Variants in KIAA0586 observed in about 807,000 individuals in gnomAD.
The protein encoded by KIAA0586 is KIAA0586.
A neutral mutation model predicts 169.8 loss-of-function variants in KIAA0586; 144 were observed. That is an observed-to-expected ratio of 0.85 (90% CI 0.74 to 0.97). The LOEUF is 0.97. KIAA0586 is among the 50% of genes least tolerant of loss of function. The probability of loss-of-function intolerance (pLI) is 0.00; values close to 1 mark genes in which losing one functional copy is unlikely to be tolerated. For synonymous variants in KIAA0586, 625 were observed against 612.4 expected, an observed-to-expected ratio of 1.02 and a Z score of -0.30; for missense variants, 1,854 against 1,823.0, an observed-to-expected ratio of 1.02 and a Z score of -0.31.
intron 12 of KIAA0586, 55 bp downstream of exon 12, chr14:58,458,600 T>C (rs889832764): frequency 1.0e-6 from 1 of 980,712 alleles, no homozygotes; most frequent in African/African-American, 1.7e-5. Flanking sequence ...ATAATATTGA[T>C]TCCAATTTAC....
chr14:58,498,828 CA>C lies in KIAA0586; in HGVS notation c.4037del (p.Gln1346ArgfsTer2), dbSNP rs2043346206. 2 of 1,611,134 alleles carry C rather than the reference CA, an allele frequency of 1.2e-6. No individual in the cohort carries two copies. The highest frequency in any genetic ancestry group is 1.7e-6 in the Non-Finnish European group (2 of 1,178,794). On this transcript the variant is annotated frameshift_variant, in exon 27 of 31. Coordinates refer to ENST00000652326, the MANE Select transcript of KIAA0586 (RefSeq NM_001329943.3). LOFTEE classifies it high-confidence loss of function. ...VGELSEGQRP[Q>X]LTAAAENILM... ...TGAACTTAGTGAAGGACAAAGACCCCAGCTAACAGCGGCAGCAGAGAACATC... is the reference window on the plus strand; with the variant it reads ...TGAACTTAGTGAAGGACAAAGACCCCGCTAACAGCGGCAGCAGAGAACATC...
At chr14:58,524,319 C>T (rs541767904) in intron 29 of KIAA0586, among the ~76,000 whole-genome samples, 1 of 152,112 alleles carries the variant, frequency 6.6e-6, no homozygotes, top group Non-Finnish European at 1.5e-5. Context: ...GTGATATAGT[C>T]TTATTATGCA....
Position 58,448,461 on chromosome 14 carries a change from C to T in KIAA0586, c.929C>T (p.Pro310Leu). 2 of 1,611,476 alleles carry T rather than the reference C, an allele frequency of 1.2e-6. No homozygotes were observed. Among genetic ancestry groups the T allele is most frequent in the Non-Finnish European group, 1.7e-6 (2 of 1,178,142 alleles). Residue 310 changes from proline (P) to leucine (L), a missense_variant, in exon 7 of 31, where the codon CCA (proline) becomes CTA (leucine). By Grantham distance (98) the Pro-to-Leu change is moderately conservative. Coordinates refer to ENST00000652326, the MANE Select transcript of KIAA0586 (RefSeq NM_001329943.3). The part of the protein sequence containing the change: ...PEHPNLGSCN[P>L]SLYNTFASKQ... The stretch of plus-strand genomic sequence containing the variant: ...CACCCTAATCTTGGTAGCTGTAATC[C>T]ATCTTTATATAACACATTTGCTTCC...
rs572098520 is a variant in KIAA0586 at position 58,463,765 on chromosome 14, G to A, written c.2060-2070G>A. Among the ~76,000 whole-genome samples the A allele has an allele frequency of 3.0e-4, 46 of 151,992 alleles. 1 individual carries two copies. The South Asian group carries it at 5.2e-3, about 17-fold the overall frequency. ...CACTTGAGCTTAGGAATTCAAGGTT[G>A]CAGTGAGCTATGATAGTGCCACTGC... On this transcript the variant is annotated intron_variant, in intron 14 of 30. Coordinates refer to ENST00000652326, the MANE Select transcript of KIAA0586 (RefSeq NM_001329943.3).
chr14:58,462,246 CTTTTTT>C (rs10597707), intron 14 of KIAA0586, among the ~76,000 whole-genome samples: 3 of 89,452 alleles, frequency 3.4e-5, no homozygotes, highest in Non-Finnish European at 4.6e-5. Context: ...TGTAGTTTTG[CTTTTTT>C]TTTTTTTTTT....
chr14:58,521,019 A>G (rs1251145951), intron 29 of KIAA0586: 2 of 315,414 alleles, frequency 6.3e-6, no homozygotes, highest in Non-Finnish European at 1.2e-5. Context: ...CCCGGGATAA[A>G]AAGAAGAAAG....
chr14:58,482,719 G>A lies in KIAA0586; in HGVS notation c.3144+7G>A, dbSNP rs749367899. ...AAATGAAACATATTTGCCGGTATGG[G>A]GAATTTTTGAGACATTTATTGAAGA... On this transcript the variant is annotated splice_region_variant and intron_variant, in intron 21 of 30. Coordinates refer to ENST00000652326, the MANE Select transcript of KIAA0586 (RefSeq NM_001329943.3). 5.2e-6 allele frequency: 8 copies of A among 1,537,370 alleles called. No homozygotes were observed. The highest frequency in any genetic ancestry group is 7.0e-6 in the Non-Finnish European group (8 of 1,140,032).
intron 29 of KIAA0586, among the ~76,000 whole-genome samples, chr14:58,519,856 C>T (rs1024415990): frequency 2.0e-5 from 3 of 151,976 alleles, no homozygotes; most frequent in East Asian, 1.9e-4. Context: ...AGTAATAAGA[C>T]GGAAGAAGGA....
downstream of KIAA0586, among the ~76,000 whole-genome samples, chr14:58,553,536 G>GTTTTTT (rs111508643): frequency 1.6e-4 from 23 of 144,430 alleles, no homozygotes; most frequent in African/African-American, 5.9e-4. Flanking sequence ...AAATATCTGG[G>GTTTTTT]TTTTTTTTTT....
intron 25 of KIAA0586, 98 bp from the exon 26 acceptor site, chr14:58,492,046 C>A: frequency 2.2e-6 from 2 of 904,310 alleles, no homozygotes; most frequent in African/African-American, 1.7e-5. Flanking sequence ...CTAATATCAT[C>A]ATCTCATGAC....
At chr14:58,513,082 A>G (rs2044504266) in intron 29 of KIAA0586, among the ~76,000 whole-genome samples, 1 of 152,104 alleles carries the variant, frequency 6.6e-6, no homozygotes, top group Non-Finnish European at 1.5e-5. Flanking sequence ...TGACCATATC[A>G]TAGTTCTTTA....
chr14:58,548,848 C>G lies in KIAA0586; in HGVS notation c.*916C>G, dbSNP rs776027169. The G allele has an allele frequency of 1.3e-5, 2 of 152,022 alleles. No homozygotes were observed. Among genetic ancestry groups the G allele is most frequent in the Non-Finnish European group, 2.9e-5 (2 of 67,990 alleles). The allele number at this position is 152,022 out of a possible 1,614,324, so 9.4% of individuals were successfully genotyped here. A position where few individuals can be genotyped will look rare whatever the true frequency, so the allele number is the denominator to read the frequency against. On this transcript the variant is annotated 3_prime_UTR_variant, in exon 31 of 31. Transcript: ENST00000652326. ...AATCAGATACATGTAGGTTCTAATC[C>G]CAATTCTGTAACTTCTTGCTTTGTG...
chr14:58,488,910 G>C (rs774350410), intron 24 of KIAA0586, 36 bp downstream of exon 24: 1 of 1,594,088 alleles, frequency 6.3e-7, no homozygotes, highest in Non-Finnish European at 8.6e-7. Context: ...TTACTTGTTA[G>C]ATTATGCTAA....
At chr14:58,515,463 G>A (rs893111529) in intron 29 of KIAA0586, among the ~76,000 whole-genome samples, 3 of 152,052 alleles carry the variant, frequency 2.0e-5, no homozygotes, top group Non-Finnish European at 4.4e-5. Flanking sequence ...TATATTCTTA[G>A]AAGCTAATTT....
chr14:58,547,681 C>CGGGGGG, intron 30 of KIAA0586, 100 bp from the exon 31 acceptor site: 2 of 990,206 alleles, frequency 2.0e-6, no homozygotes, highest in Non-Finnish European at 3.0e-6. Context: ...ATTTGGAATC[C>CGGGGGG]GCGCCCCCCC....
At chr14:58,547,738 C>T in intron 30 of KIAA0586, 43 bp from the exon 31 acceptor site, 1 of 1,438,014 alleles carries the variant, frequency 7.0e-7, no homozygotes, top group Non-Finnish European at 9.6e-7. Flanking sequence ...CGTAAATACT[C>T]AGGTTACGCA....
At chr14:58,447,229 A>G (rs2038968692) in intron 6 of KIAA0586, among the ~76,000 whole-genome samples, 1 of 152,140 alleles carries the variant, frequency 6.6e-6, no homozygotes, top group South Asian at 2.1e-4. Flanking sequence ...ACACACTTTT[A>G]GAAATTCTGT....
chr14:58,469,500 C>A (rs1215924546), intron 16 of KIAA0586, among the ~76,000 whole-genome samples: 1 of 152,128 alleles, frequency 6.6e-6, no homozygotes, highest in African/African-American at 2.4e-5. Flanking sequence ...GCCTGGACAG[C>A]TCCCTGAGCC....
intron 28 of KIAA0586, among the ~76,000 whole-genome samples, chr14:58,510,681 T>C (rs2044325928): frequency 6.6e-6 from 1 of 152,216 alleles, no homozygotes; most frequent in Non-Finnish European, 1.5e-5. Flanking sequence ...TGAATGTTCA[T>C]ACAACCTTAT....
Sources: allele counts gnomAD v4.1 joint callset (sites outside exome capture counted in the v4.1 genomes callset), GRCh38; gene constraint gnomAD v4.1.1; transcripts MANE v1.5; gene names NCBI Gene and HGNC (gene_info 2026-07-23, HGNC 2026-07-21).